Variants in AKAP7 observed in about 807,000 individuals in gnomAD.
AKAP7 encodes the protein A kinase (PRKA) anchor protein 7.
AKAP7 carries 39 observed loss-of-function variants against 39.5 expected under a neutral mutation model. The observed-to-expected ratio is 0.99, with a 90% CI of 0.76 to 1.29. The LOEUF (loss-of-function observed/expected upper bound fraction) is 1.29, where lower values mean the gene tolerates loss of function less well. Ranked by LOEUF, AKAP7 falls within the 50% of genes most tolerant of loss-of-function variation. The probability of loss-of-function intolerance (pLI) is 0.00; values close to 1 mark genes in which losing one functional copy is unlikely to be tolerated. For synonymous variants in AKAP7, 140 were observed against 139.1 expected (o/e 1.01, Z -0.05); for missense variants, 414 against 407.7 (o/e 1.02, Z -0.13).
rs1473037545 is a variant in AKAP7, at chr6:131,169,429, C to T, written c.589+156C>T. 3.9e-5 allele frequency among the ~76,000 whole-genome samples: 6 copies of T among 152,196 alleles called. No individual in the cohort carries two copies. In the East Asian group the frequency reaches 1.2e-3, roughly 29 times the overall value. On this transcript the variant is annotated intron_variant, in intron 5 of 7. Transcript: ENST00000431975. ...TCCCAATCATAAGTCTGAAGGATTT[C>T]AGTGCTTATCATAACATTTGACATA...
At chr6:131,211,825 A>G (rs1345779579) in intron 6 of AKAP7, among the ~76,000 whole-genome samples, 1 of 151,804 alleles carries the variant, frequency 6.6e-6, no homozygotes, top group Non-Finnish European at 1.5e-5. Context: ...CTGTAATTCT[A>G]TACAGATGTT....
chr6:131,275,616 G>T (rs1814680605), intron 7 of AKAP7, among the ~76,000 whole-genome samples: 1 of 152,178 alleles, frequency 6.6e-6, no homozygotes, highest in Non-Finnish European at 1.5e-5. Context: ...AAGCAGGAGG[G>T]TTCTTAGGTG....
At chr6:131,269,690 T>C (rs1814111524) in intron 7 of AKAP7, among the ~76,000 whole-genome samples, 1 of 152,176 alleles carries the variant, frequency 6.6e-6, no homozygotes, top group African/African-American at 2.4e-5. Context: ...CCAACTTAGT[T>C]TGTACTCTCT....
Position 131,180,828 on chromosome 6 carries a change from TG to T in AKAP7, c.589+11556del, listed in dbSNP as rs1410962511. 1.4e-3 allele frequency among the ~76,000 whole-genome samples: 142 copies of T among 100,128 alleles called. 1 individual carries two copies. The highest frequency in any genetic ancestry group is 6.3e-3 in the Middle Eastern group (1 of 160). The allele number at this position is 100,128 out of a possible 152,430, so 65.7% of individuals were successfully genotyped here. A position where few individuals can be genotyped will look rare whatever the true frequency, so the allele number is the denominator to read the frequency against. On this transcript the variant is annotated intron_variant, in intron 5 of 7. Transcript: ENST00000431975. ...TGAGACACCACTTTCTTTTTTTGTT[TG>T]TTTTGTTTTTTTTTTTTTTAATACT...
At chr6:131,256,731 T>A (rs1812891453) in intron 7 of AKAP7, among the ~76,000 whole-genome samples, 1 of 151,242 alleles carries the variant, frequency 6.6e-6, no homozygotes, top group African/African-American at 2.4e-5. Flanking sequence ...ATTATTATTA[T>A]TATTAAAGAG....
Position 131,196,169 on chromosome 6 carries a change from A to G in AKAP7, c.590-3292A>G, listed in dbSNP as rs1048847987. Among the ~76,000 whole-genome samples, 11 of 148,530 alleles carry G rather than the reference A, an allele frequency of 7.4e-5. 1 individual carries two copies. The highest frequency in any genetic ancestry group is 2.7e-4 in the African/African-American group (11 of 40,084). On this transcript the variant is annotated intron_variant, in intron 5 of 7. Transcript: ENST00000431975. ...TTTCTTTTGTCTCCTCTGACTGCGTATTTTCAAATAGCCTGTCCTCAAGCT... is the reference window on the plus strand; with the variant it reads ...TTTCTTTTGTCTCCTCTGACTGCGTGTTTTCAAATAGCCTGTCCTCAAGCT...
At chr6:131,161,458 A>C (rs775365865) in intron 3 of AKAP7, among the ~76,000 whole-genome samples, 141 of 151,744 alleles carry the variant, frequency 9.3e-4, no homozygotes, top group Middle Eastern at 3.2e-3. Context: ...CAGCCTGGGC[A>C]ACATGGCAAA....
Position 131,258,691 on chromosome 6 carries a change from A to G in AKAP7, c.851-22839A>G, listed in dbSNP as rs1813060440. On this transcript the variant is annotated intron_variant, in intron 7 of 7. Transcript: ENST00000431975. ...AAAAGCGGAACTGTATGATGAAAAT[A>G]TAAAGAATAAGTATAGCTTTAACTT... Among the ~76,000 whole-genome samples the G allele has an allele frequency of 2.0e-5, 3 of 152,252 alleles. No homozygotes were observed. In the South Asian group the frequency reaches 6.2e-4, roughly 32 times the overall value.
At chr6:131,229,037 G>A (rs904519687) in intron 7 of AKAP7, among the ~76,000 whole-genome samples, 2 of 152,076 alleles carry the variant, frequency 1.3e-5, no homozygotes, top group East Asian at 1.9e-4. Flanking sequence ...GAAGTAGGTC[G>A]ACCCAAAGAA....
At chr6:131,259,903 G>A (rs1456864191) in intron 7 of AKAP7, among the ~76,000 whole-genome samples, 1 of 152,088 alleles carries the variant, frequency 6.6e-6, no homozygotes, top group African/African-American at 2.4e-5. Context: ...CCATCACCCA[G>A]GTATTAAGCC....
At position 131,180,250 on chromosome 6, in the gene AKAP7, C is replaced by T. The variant is rs140842647; in HGVS notation, c.589+10977C>T. The stretch of plus-strand genomic sequence containing the variant: ...TGTCCTTTATCTAGTTAAGACTAAC[C>T]CCTTCAGCTGTGTTCTTGGTCTGCT... On this transcript the variant is annotated intron_variant, in intron 5 of 7. Coordinates refer to ENST00000431975, the MANE Select transcript of AKAP7 (RefSeq NM_016377.4). 5.7e-3 allele frequency among the ~76,000 whole-genome samples: 871 copies of T among 152,268 alleles called. 10 individuals carry two copies. Among genetic ancestry groups the T allele is most frequent in the African/African-American group, 0.02 (844 of 41,546 alleles).
At chr6:131,208,211 T>C (rs575334110) in intron 6 of AKAP7, among the ~76,000 whole-genome samples, 44 of 152,324 alleles carry the variant, frequency 2.9e-4, no homozygotes, top group African/African-American at 1.1e-3. Context: ...TCTAATGTAT[T>C]TTTCAACTTT....
intron 7 of AKAP7, among the ~76,000 whole-genome samples, chr6:131,225,183 T>C (rs546950070): frequency 6.6e-6 from 1 of 152,370 alleles, no homozygotes; most frequent in South Asian, 2.1e-4. Context: ...AAAAAAATTC[T>C]GTGATTCCTT....
Position 131,250,783 on chromosome 6 carries a change from TAACTGTAA to T in AKAP7, c.851-30744_851-30737del, listed in dbSNP as rs547136442. ...GACTGGTAGGTGTGTAGTTACAAATTAACTGTAAAAGTACTGCAACTCAGTAGATGGGC... is the reference window on the plus strand; with the variant it reads ...GACTGGTAGGTGTGTAGTTACAAATTAAGTACTGCAACTCAGTAGATGGGC... On this transcript the variant is annotated intron_variant, in intron 7 of 7. Transcript: ENST00000431975. Among the ~76,000 whole-genome samples, 1,036 of 152,310 alleles carry T rather than the reference TAACTGTAA, an allele frequency of 6.8e-3. 6 individuals carry two copies. The highest frequency in any genetic ancestry group is 0.017 in the Middle Eastern group (5 of 294).
At chr6:131,177,301 G>A (rs1804674402) in intron 5 of AKAP7, among the ~76,000 whole-genome samples, 1 of 152,136 alleles carries the variant, frequency 6.6e-6, no homozygotes, top group Admixed American at 6.5e-5. Context: ...TTGCAGGCTG[G>A]GAAGTTCAAG....
At chr6:131,255,308 TGTGA>T in intron 7 of AKAP7, among the ~76,000 whole-genome samples, 2 of 152,310 alleles carry the variant, frequency 1.3e-5, no homozygotes, top group Middle Eastern at 6.8e-3. Flanking sequence ...ACACATTTCT[TGTGA>T]GTGTGAGAGA....
chr6:131,146,731 TCTC>T (rs1801518436), intron 2 of AKAP7, among the ~76,000 whole-genome samples: 1 of 152,224 alleles, frequency 6.6e-6, no homozygotes, highest in African/African-American at 2.4e-5. Flanking sequence ...TCTGCTTTAG[TCTC>T]TTCATTTTGA....
At chr6:131,182,186 CTT>C (rs1404865778) in intron 5 of AKAP7, among the ~76,000 whole-genome samples, 1 of 152,040 alleles carries the variant, frequency 6.6e-6, no homozygotes. Flanking sequence ...ACCATCTTAA[CTT>C]TTTTTAAACA....
chr6:131,215,883 T>C (rs962103747), intron 6 of AKAP7, among the ~76,000 whole-genome samples: 2 of 152,222 alleles, frequency 1.3e-5, no homozygotes, highest in Non-Finnish European at 2.9e-5. Flanking sequence ...ATTCTTAATT[T>C]TGTTGTCAAG....
Sources: allele counts gnomAD v4.1 joint callset (sites outside exome capture counted in the v4.1 genomes callset), GRCh38; gene constraint gnomAD v4.1.1; transcripts MANE v1.5; gene names NCBI Gene and HGNC (gene_info 2026-07-23, HGNC 2026-07-21).